Variants in GATAD2A observed in about 807,000 individuals in gnomAD.
GATAD2A encodes transcriptional repressor p66-alpha.
Under a neutral mutation model 68.5 loss-of-function variants are expected in GATAD2A, and 12 were observed. That is an observed-to-expected ratio of 0.18 (90% CI 0.11 to 0.28). The LOEUF is 0.28. Ranked by LOEUF, GATAD2A falls within the 10% of genes least tolerant of loss-of-function variation. GATAD2A has a pLI of 1.00. For missense variants in GATAD2A, 755 were observed against 868.5 expected (o/e 0.87, Z 1.64); for synonymous variants, 410 against 375.3 (o/e 1.09, Z -1.07).
At chr19:19,502,289 C>CT in intron 10 of GATAD2A, 42 bp from the exon 11 acceptor site, 2 of 1,476,730 alleles carry the variant, frequency 1.4e-6, no homozygotes, top group Admixed American at 3.5e-5. Context: ...CTGCTGCTGT[C>CT]TTTTCCCTGC....
chr19:19,502,564 C>T (rs752984860), intron 11 of GATAD2A, 38 bp downstream of exon 11: 10 of 1,492,448 alleles, frequency 6.7e-6, no homozygotes, highest in Non-Finnish European at 9.2e-6. Flanking sequence ...GGGACCTGCC[C>T]ATTGTGGGGT....
intron 1 of GATAD2A, among the ~76,000 whole-genome samples, chr19:19,413,660 C>T (rs914366072): frequency 4.6e-5 from 7 of 152,112 alleles, no homozygotes; most frequent in African/African-American, 1.7e-4. Context: ...CGGCTCACTG[C>T]TTGAACCTCC....
intron 1 of GATAD2A, among the ~76,000 whole-genome samples, chr19:19,447,100 C>G (rs1389091178): frequency 6.6e-6 from 1 of 152,120 alleles, no homozygotes; most frequent in Middle Eastern, 3.2e-3. Flanking sequence ...TGGAAGCCCA[C>G]AAACAGAGAG....
chr19:19,432,611 T>A (rs2053881809), intron 1 of GATAD2A, among the ~76,000 whole-genome samples: 1 of 152,046 alleles, frequency 6.6e-6, no homozygotes, highest in African/African-American at 2.4e-5. Flanking sequence ...TGACAGTCGT[T>A]TTTTAAAGGT....
intron 2 of GATAD2A, among the ~76,000 whole-genome samples, chr19:19,476,389 A>T (rs2058679036): frequency 1.3e-5 from 2 of 152,136 alleles, no homozygotes; most frequent in Admixed American, 1.3e-4. Flanking sequence ...TCACTCACTG[A>T]CAGGCTTCTC....
At chr19:19,462,847 C>T (rs2057556969) in intron 1 of GATAD2A, among the ~76,000 whole-genome samples, 1 of 152,204 alleles carries the variant, frequency 6.6e-6, no homozygotes, top group South Asian at 2.1e-4. Context: ...GCTTCGAGAA[C>T]TCATTCAGGG....
chr19:19,447,890 C>G (rs1042225315), intron 1 of GATAD2A, among the ~76,000 whole-genome samples: 1 of 152,194 alleles, frequency 6.6e-6, no homozygotes, highest in African/African-American at 2.4e-5. Flanking sequence ...TTTTCTGGCC[C>G]TTGGAATTTT....
rs1346597027 is a variant in GATAD2A at position 19,505,465 on chromosome 19, G to A, written c.1896G>A (p.Thr632=). The A allele has an allele frequency of 4.4e-6, 7 of 1,601,656 alleles. No homozygotes were observed. Among genetic ancestry groups the A allele is most frequent in the South Asian group, 1.1e-5 (1 of 89,776 alleles). The change falls in exon 12 of 12, where the codon ACG becomes ACA. Residue 632 remains threonine (T), a synonymous_variant. Transcript: ENST00000683918. ...IPPRSIPQSA[T]WK is the part of the protein sequence containing the mutation. Reference sequence around the variant, plus strand: ...CCCGCTCCATCCCCCAGTCAGCCACGTGGAAATAGTGCGAGCCAGGCCCCG... The same window carrying A: ...CCCGCTCCATCCCCCAGTCAGCCACATGGAAATAGTGCGAGCCAGGCCCCG...
chr19:19,398,786 C>G (rs150472301), intron 1 of GATAD2A, among the ~76,000 whole-genome samples: 1 of 147,320 alleles, frequency 6.8e-6, no homozygotes, highest in Non-Finnish European at 1.5e-5. Flanking sequence ...TTAGGCCAGG[C>G]GTGGTGGCTC....
At chr19:19,450,627 C>T (rs1276414137) in intron 1 of GATAD2A, among the ~76,000 whole-genome samples, 1 of 151,572 alleles carries the variant, frequency 6.6e-6, no homozygotes, top group African/African-American at 2.4e-5. Context: ...GGTCAGGATC[C>T]CCGTACCACA....
At position 19,435,261 on chromosome 19, in the gene GATAD2A, G is replaced by A. The variant is rs146053729; in HGVS notation, c.-7+29242G>A. 4.6e-5 allele frequency: 19 copies of A among 412,176 alleles called. No homozygotes were observed. The East Asian group carries it at 4.6e-4, about 10-fold the overall frequency. 25.5% of individuals were successfully genotyped at this position (412,176 alleles called of 1,614,324 possible). A position where few individuals can be genotyped will look rare whatever the true frequency, so the allele number is the denominator to read the frequency against. On this transcript the variant is annotated intron_variant, in intron 1 of 11. Coordinates refer to ENST00000683918, the MANE Select transcript of GATAD2A (RefSeq NM_001384528.1). ...TTTTGAGACAGGGTCTCACTCTGTC[G>A]CCCAGGTTGGAGTGCAGTGGTGTGG...
chr19:19,406,053 G>C (rs564101178), intron 1 of GATAD2A, 34 bp downstream of exon 1: 2 of 152,526 alleles, frequency 1.3e-5, no homozygotes, highest in South Asian at 4.1e-4. Flanking sequence ...GGGGGGCGGG[G>C]GCTGGGGACG....
intron 7 of GATAD2A, among the ~76,000 whole-genome samples, chr19:19,497,514 A>C (rs1031403283): frequency 6.6e-6 from 1 of 151,840 alleles, no homozygotes; most frequent in African/African-American, 2.4e-5. Context: ...CTCTGAGGGG[A>C]AGGAGGAGGG....
rs145856480 is a variant in GATAD2A, at chr19:19,502,924, C to T, written c.1774+398C>T. Among the ~76,000 whole-genome samples, 45 of 152,314 alleles carry T rather than the reference C, an allele frequency of 3.0e-4. 1 individual carries two copies. Among genetic ancestry groups the T allele is most frequent in the African/African-American group, 1.0e-3 (43 of 41,552 alleles). On this transcript the variant is annotated intron_variant, in intron 11 of 11. Coordinates refer to ENST00000683918, the MANE Select transcript of GATAD2A (RefSeq NM_001384528.1). ...TTCTGTCATTGTGCCATCCATGCTG[C>T]GGTCACACTGAGTGGTGCAAAGTAG... is the stretch of plus-strand genomic sequence containing the variant.
At chr19:19,471,683 A>C (rs2058326226) in intron 2 of GATAD2A, among the ~76,000 whole-genome samples, 2 of 152,246 alleles carry the variant, frequency 1.3e-5, no homozygotes, top group Non-Finnish European at 2.9e-5. Flanking sequence ...CTCAATATGG[A>C]TGTTAAAAAT....
At chr19:19,480,260 G>A (rs770755443) in intron 2 of GATAD2A, among the ~76,000 whole-genome samples, 1 of 152,168 alleles carries the variant, frequency 6.6e-6, no homozygotes, top group South Asian at 2.1e-4. Context: ...ACCATTGAAT[G>A]TTGGAAAATA....
At chr19:19,470,412 G>A (rs1257904565) in intron 2 of GATAD2A, among the ~76,000 whole-genome samples, 1 of 152,128 alleles carries the variant, frequency 6.6e-6, no homozygotes, top group Non-Finnish European at 1.5e-5. Context: ...GGGATTACAG[G>A]CGTGAGCCAC....
At chr19:19,419,720 T>C (rs889826751) in intron 1 of GATAD2A, among the ~76,000 whole-genome samples, 2 of 152,080 alleles carry the variant, frequency 1.3e-5, no homozygotes, top group Non-Finnish European at 2.9e-5. Context: ...TTTGCCATGT[T>C]GGCCAGGCTG....
intron 1 of GATAD2A, among the ~76,000 whole-genome samples, chr19:19,439,531 CAG>C (rs780424506): frequency 1.5e-4 from 23 of 152,210 alleles, no homozygotes; most frequent in Non-Finnish European, 2.1e-4. Flanking sequence ...CAACTTCTCT[CAG>C]GGGTATTTGC....
Sources: gnomAD v4.1 joint callset for allele counts (sites outside exome capture counted in the v4.1 genomes callset) on GRCh38, gnomAD v4.1.1 for gene constraint, MANE v1.5 for transcripts, NCBI Gene and HGNC (gene_info 2026-07-23, HGNC 2026-07-21) for gene names.